ANKRD44: variants seen among roughly 807,000 people sequenced by gnomAD.
ANKRD44 encodes serine/threonine-protein phosphatase 6 regulatory ankyrin repeat subunit B.
Under a neutral mutation model 116.0 loss-of-function variants are expected in ANKRD44, and 35 were observed. The observed-to-expected ratio is 0.30, with a 90% CI of 0.23 to 0.40. The LOEUF is 0.40. Ranked by LOEUF, ANKRD44 falls within the 10% of genes least tolerant of loss-of-function variation. The pLI is 1.00. For missense variants in ANKRD44, 1,014 were observed against 1,242.6 expected, an observed-to-expected ratio of 0.82 and a Z score of 2.77; for synonymous variants, 435 against 461.8, an observed-to-expected ratio of 0.94 and a Z score of 0.74.
Position 197,007,899 on chromosome 2 carries a change from T to C in ANKRD44, c.2037A>G (p.Ala679=). The C allele has an allele frequency of 6.2e-7, 1 of 1,613,950 alleles. No homozygotes were observed. The highest frequency in any genetic ancestry group is 8.5e-7 in the Non-Finnish European group (1 of 1,179,852). ...KGQTPLMLAV[A]YGHIDAVSLL... is the part of the protein sequence containing the mutation. ...ATGAAACAGCGTCAATATGTCCATA[T>C]GCTACTGCAAGCATCAGTGGTGTTC... The change falls in exon 20 of 28, where the codon GCA becomes GCG. Residue 679 remains alanine, a synonymous_variant. Coordinates refer to ENST00000282272, the MANE Select transcript of ANKRD44 (RefSeq NM_001195144.2).
chr2:197,208,458 A>G (rs747974739), intron 1 of ANKRD44, among the ~76,000 whole-genome samples: 12 of 152,168 alleles, frequency 7.9e-5, no homozygotes, highest in African/African-American at 2.4e-4. Context: ...TAAGTGGGCA[A>G]TGGTAAGCTG....
intron 1 of ANKRD44, among the ~76,000 whole-genome samples, chr2:197,214,240 A>G (rs2081389155): frequency 6.6e-6 from 1 of 152,250 alleles, no homozygotes; most frequent in Admixed American, 6.5e-5. Context: ...TCTCAGGGAC[A>G]TAATAAAATA....
At chr2:197,091,916 T>A (rs140131709) in intron 10 of ANKRD44, among the ~76,000 whole-genome samples, 50 of 152,286 alleles carry the variant, frequency 3.3e-4, no homozygotes, top group African/African-American at 9.9e-4. Flanking sequence ...ATAAATCTAG[T>A]AGTATTTAAG....
At chr2:197,086,650 C>A in intron 13 of ANKRD44, 30 bp downstream of exon 13, 2 of 1,606,030 alleles carry the variant, frequency 1.2e-6, no homozygotes, top group Non-Finnish European at 8.5e-7. Flanking sequence ...CTTATTTAAG[C>A]ACTTGAAGCA....
chr2:197,071,635 T>C (rs1249790520), intron 16 of ANKRD44, among the ~76,000 whole-genome samples: 2 of 152,212 alleles, frequency 1.3e-5, no homozygotes, highest in Non-Finnish European at 2.9e-5. Flanking sequence ...TTGTGAATGT[T>C]CATGGGCACT....
chr2:196,988,798 G>C lies in ANKRD44; in HGVS notation c.*793C>G. On this transcript the variant is annotated 3_prime_UTR_variant, in exon 28 of 28. Transcript: ENST00000282272. The stretch of plus-strand genomic sequence containing the variant: ...GCTGGTGATTTTTATTTCTCCTTTT[G>C]GCACATGTGCCCACACACTGCCATC... The C allele has an allele frequency of 4.1e-6, 4 of 985,290 alleles. No homozygotes were observed. The highest frequency in any genetic ancestry group is 4.8e-6 in the Non-Finnish European group (4 of 829,910). 61.0% of individuals were successfully genotyped at this position (985,290 alleles called of 1,614,324 possible).
intron 2 of ANKRD44, among the ~76,000 whole-genome samples, chr2:197,179,402 T>A (rs922446985): frequency 4.6e-5 from 7 of 152,218 alleles, no homozygotes; most frequent in African/African-American, 1.4e-4. Context: ...TTAAGTATTG[T>A]CTTCTTTCTA....
At chr2:197,020,823 AG>A (rs1158178083) in intron 17 of ANKRD44, among the ~76,000 whole-genome samples, 5,432 of 150,818 alleles carry the variant, frequency 0.036, 339 homozygotes, top group African/African-American at 0.13. Context: ...TTATACTTTA[AG>A]TTCTAGGGTA....
intron 3 of ANKRD44, among the ~76,000 whole-genome samples, chr2:197,142,964 A>AC (rs1285450695): frequency 2.6e-5 from 4 of 151,148 alleles, no homozygotes; most frequent in Non-Finnish European, 5.9e-5. Flanking sequence ...ACCTAGCAAG[A>AC]CCCCATCTTA....
At chr2:196,993,534 A>G (rs1395687671) in intron 27 of ANKRD44, 49 bp downstream of exon 27, 3 of 1,444,734 alleles carry the variant, frequency 2.1e-6, no homozygotes, top group Non-Finnish European at 1.9e-6. Flanking sequence ...TCTGGCTTCA[A>G]CTAGCTTATG....
intron 16 of ANKRD44, among the ~76,000 whole-genome samples, chr2:197,046,498 T>C (rs572352829): frequency 2.0e-5 from 3 of 152,178 alleles, no homozygotes; most frequent in African/African-American, 7.2e-5. Flanking sequence ...TTGAGGCTCA[T>C]TGAAGCAGTC....
chr2:197,155,888 G>C (rs1177141016), intron 2 of ANKRD44, among the ~76,000 whole-genome samples: 1 of 152,128 alleles, frequency 6.6e-6, no homozygotes, highest in African/African-American at 2.4e-5. Context: ...GCCACAGACT[G>C]GGGGAACATA....
intron 22 of ANKRD44, among the ~76,000 whole-genome samples, chr2:197,000,763 A>G (rs1316251037): frequency 1.3e-5 from 2 of 152,216 alleles, no homozygotes; most frequent in Non-Finnish European, 2.9e-5. Flanking sequence ...TGGAATAGAC[A>G]TGCTTCCTTC....
chr2:197,107,858 A>G (rs1341558190), intron 9 of ANKRD44, among the ~76,000 whole-genome samples: 1 of 152,228 alleles, frequency 6.6e-6, no homozygotes, highest in African/African-American at 2.4e-5. Context: ...CCCAGAAGGA[A>G]GCCAACAAAC....
intron 15 of ANKRD44, 114 bp downstream of exon 15, chr2:197,081,531 T>G (rs1166891774): frequency 4.6e-6 from 4 of 862,490 alleles, no homozygotes; most frequent in Non-Finnish European, 7.7e-6. Context: ...CCATATCACT[T>G]CCTCAAGATC....
intron 3 of ANKRD44, among the ~76,000 whole-genome samples, chr2:197,140,877 A>G (rs1031748999): frequency 6.6e-6 from 1 of 152,202 alleles, no homozygotes; most frequent in African/African-American, 2.4e-5. Flanking sequence ...GACATTAAAT[A>G]TATGCAGCTT....
chr2:197,099,730 T>C, intron 10 of ANKRD44, 86 bp downstream of exon 10: 1 of 1,549,012 alleles, frequency 6.5e-7, no homozygotes, highest in Non-Finnish European at 8.7e-7. Context: ...CCTGGATAAA[T>C]GGGAACTATC....
intron 1 of ANKRD44, among the ~76,000 whole-genome samples, chr2:197,188,561 G>A (rs978405449): frequency 3.3e-5 from 5 of 152,150 alleles, no homozygotes; most frequent in African/African-American, 1.2e-4. Context: ...GCAACTTGGG[G>A]GTGAGCATGA....
intron 6 of ANKRD44, among the ~76,000 whole-genome samples, chr2:197,123,421 C>T (rs1406024352): frequency 6.6e-6 from 1 of 152,078 alleles, no homozygotes; most frequent in African/African-American, 2.4e-5. Context: ...CCATAATTCA[C>T]TATATATAGA....
Sources: allele counts gnomAD v4.1 joint callset (sites outside exome capture counted in the v4.1 genomes callset), GRCh38; gene constraint gnomAD v4.1.1; transcripts MANE v1.5; gene names NCBI Gene and HGNC (gene_info 2026-07-23, HGNC 2026-07-21).